The following DSN1 variants were observed in gnomAD, a reference collection of about 807,000 sequenced individuals.
DSN1 encodes kinetochore-associated protein DSN1 homolog.
DSN1 carries 31 observed loss-of-function variants against 45.7 expected under a neutral mutation model. The observed-to-expected ratio is 0.68, with a 90% confidence interval of 0.51 to 0.92. The LOEUF is 0.92. Ranked by LOEUF, DSN1 falls within the 40% of genes least tolerant of loss-of-function variation. The pLI, the probability that DSN1 is intolerant of heterozygous loss-of-function variation, is 0.00. For synonymous variants in DSN1, 134 were observed against 142.3 expected (o/e 0.94, Z 0.41); for missense variants, 394 against 414.2 (o/e 0.95, Z 0.42).
At position 36,758,613 on chromosome 20, in the gene DSN1, C is replaced by T. The variant is rs919540339; in HGVS notation, c.595G>A (p.Ala199Thr). The T allele has an allele frequency of 1.2e-6, 2 of 1,610,956 alleles. No homozygotes were observed. The highest frequency in any genetic ancestry group is 2.7e-5 in the African/African-American group (2 of 74,840). The part of the protein sequence containing the change: ...QKCFEDSNGK[A>T]SDFSLEASVA... Reference sequence around the variant, plus strand: ...GATGCTTCCAAAGAAAAATCTGATGCTTTTCTGGAAAACAGATAGGATTAT... The same window carrying T: ...GATGCTTCCAAAGAAAAATCTGATGTTTTTCTGGAAAACAGATAGGATTAT... Residue 199 changes from alanine (A) to threonine (T), a missense_variant, in exon 7 of 11, where the codon GCA becomes ACA. Transcript: ENST00000373750.
intron 3 of DSN1, among the ~76,000 whole-genome samples, 196 bp from the exon 4 acceptor site, chr20:36,768,238 A>G (rs149678963): frequency 1.7e-3 from 264 of 152,290 alleles, no homozygotes; most frequent in African/African-American, 6.0e-3. Flanking sequence ...AACTTAAAAA[A>G]AAAAAAGTTA....
intron 6 of DSN1, among the ~76,000 whole-genome samples, chr20:36,759,825 T>C (rs1421987999): frequency 1.3e-5 from 2 of 152,156 alleles, no homozygotes; most frequent in Admixed American, 6.6e-5. Flanking sequence ...AATAAATAGC[T>C]AGGTAATAGC....
At chr20:36,756,510 G>A (rs1986686238) in intron 8 of DSN1, among the ~76,000 whole-genome samples, 2 of 152,146 alleles carry the variant, frequency 1.3e-5, no homozygotes, top group Admixed American at 1.3e-4. Context: ...TAACTGAACA[G>A]GACTGAGAGT....
chr20:36,759,100 A>G (rs1009451575), intron 6 of DSN1, among the ~76,000 whole-genome samples: 1 of 152,134 alleles, frequency 6.6e-6, no homozygotes, highest in Non-Finnish European at 1.5e-5. Flanking sequence ...TTCCTGCCTC[A>G]GCCTCCAGAG....
At chr20:36,771,860 T>C (rs901056685) in intron 1 of DSN1, among the ~76,000 whole-genome samples, 2 of 152,196 alleles carry the variant, frequency 1.3e-5, no homozygotes, top group African/African-American at 4.8e-5. Context: ...CTCTAAATCT[T>C]TTCTCCATTC....
At chr20:36,761,343 A>G (rs1221579409) in intron 6 of DSN1, among the ~76,000 whole-genome samples, 5 of 152,042 alleles carry the variant, frequency 3.3e-5, no homozygotes, top group Admixed American at 6.6e-5. Context: ...TATTTCCCAT[A>G]TATTTGTTTA....
chr20:36,755,944 G>T, intron 8 of DSN1, 115 bp from the exon 9 acceptor site: 1 of 1,212,518 alleles, frequency 8.2e-7, no homozygotes, highest in Non-Finnish European at 1.1e-6. Flanking sequence ...CTAGCTATAG[G>T]CTCACTTCTT....
intron 3 of DSN1, 46 bp downstream of exon 3, chr20:36,770,827 C>T (rs1404504545): frequency 6.5e-7 from 1 of 1,550,162 alleles, no homozygotes; most frequent in Non-Finnish European, 8.7e-7. Flanking sequence ...GAACCTGTCT[C>T]TTATCTGAGC....
At chr20:36,766,728 A>G (rs1987359998) in intron 5 of DSN1, 41 bp downstream of exon 5, 1 of 1,547,356 alleles carries the variant, frequency 6.5e-7, no homozygotes, top group Admixed American at 1.9e-5. Context: ...CAAAGCTTTG[A>G]CTGCCCAGGG....
rs562367877 is a variant in DSN1 at position 36,754,820 on chromosome 20, G to C, written c.904C>G (p.Leu302Val). 1 of 1,613,898 alleles carries C rather than the reference G, an allele frequency of 6.2e-7. No individual in the cohort carries two copies. The highest frequency in any genetic ancestry group is 1.1e-5 in the South Asian group (1 of 91,082). The change falls in exon 10 of 11, where the codon CTG becomes GTG. Residue 302 changes from leucine to valine, a missense_variant. Physicochemically the swap from Leu to Val is conservative, Grantham distance 32. Transcript: ENST00000373750. ...MDELQGSVKQLQAFMDESTQC... is the reference protein window; with the variant it reads ...MDELQGSVKQVQAFMDESTQC... ...GTACTTTCATCCATAAAGGCCTGCA[G>C]CTGTTTCACTGATCCTTGCAGTTCA...
intron 5 of DSN1, among the ~76,000 whole-genome samples, chr20:36,763,255 T>C (rs999211368): frequency 6.6e-6 from 1 of 151,212 alleles, no homozygotes; most frequent in African/African-American, 2.4e-5. Flanking sequence ...AATACAAAAA[T>C]ATACCTGGGC....
chr20:36,770,937 C>T lies in DSN1; in HGVS notation c.291G>A (p.Arg97=). The T allele has an allele frequency of 6.2e-7, 1 of 1,614,196 alleles. No individual in the cohort carries two copies. Among genetic ancestry groups the T allele is most frequent in the Non-Finnish European group, 8.5e-7 (1 of 1,180,036 alleles). The stretch of plus-strand genomic sequence containing the variant: ...GGTTCGTTTCTTTCATACTTGCTCG[C>T]CGCCAGGATTGCCTCCTGTCTTGAT... ...ASYQDRRQSW[R]RASMKETNRR... The change falls in exon 3 of 11, where the codon CGG becomes CGA. Residue 97 remains arginine, a synonymous_variant. Coordinates refer to ENST00000373750, the MANE Select transcript of DSN1 (RefSeq NM_001145315.2).
chr20:36,771,742 T>A (rs947099538), intron 1 of DSN1, among the ~76,000 whole-genome samples: 3 of 152,250 alleles, frequency 2.0e-5, no homozygotes, highest in African/African-American at 7.2e-5. Context: ...CTAATTCCAT[T>A]GATGACATTA....
rs1241318668 is a variant in DSN1 at position 36,766,213 on chromosome 20, G to GA, written c.502+555dup. Reference sequence around the variant, plus strand: ...CCATCTCAAAAAAAAAAAAAAAAAAGAAAAAAAAAGCAATAAATATTTCTG... The same window carrying GA: ...CCATCTCAAAAAAAAAAAAAAAAAAGAAAAAAAAAAGCAATAAATATTTCTG... On this transcript the variant is annotated intron_variant, in intron 5 of 10. Transcript: ENST00000373750. 1.3e-4 allele frequency among the ~76,000 whole-genome samples: 18 copies of GA among 139,644 alleles called. 1 individual carries two copies. The highest frequency in any genetic ancestry group is 3.7e-3 in the Middle Eastern group (1 of 272). 91.6% of individuals were successfully genotyped at this position (139,644 alleles called of 152,430 possible).
chr20:36,762,206 A>G (rs1987030575), intron 6 of DSN1, among the ~76,000 whole-genome samples: 2 of 143,860 alleles, frequency 1.4e-5, no homozygotes, highest in Admixed American at 1.5e-4. Context: ...TACCGGGTTC[A>G]TGCCATTCTC....
chr20:36,770,561 T>C (rs1049188897), intron 3 of DSN1, among the ~76,000 whole-genome samples: 3 of 152,130 alleles, frequency 2.0e-5, no homozygotes, highest in Non-Finnish European at 4.4e-5. Context: ...CAGCTAATAA[T>C]ATAATATAAG....
intron 9 of DSN1, among the ~76,000 whole-genome samples, 176 bp from the exon 10 acceptor site, chr20:36,755,026 C>A (rs1986598288): frequency 6.6e-6 from 1 of 152,190 alleles, no homozygotes. Flanking sequence ...CTTCTCCAGG[C>A]TGCTCTATGC....
intron 10 of DSN1, among the ~76,000 whole-genome samples, chr20:36,753,309 C>T (rs1986475551): frequency 6.6e-6 from 1 of 151,028 alleles, no homozygotes; most frequent in Non-Finnish European, 1.5e-5. Context: ...CCCTGTATTC[C>T]ACCCTGGGCA....
At chr20:36,760,781 G>C (rs530868588) in intron 6 of DSN1, among the ~76,000 whole-genome samples, 6 of 152,042 alleles carry the variant, frequency 3.9e-5, no homozygotes, top group Non-Finnish European at 2.9e-5. Flanking sequence ...CTAGCTACTC[G>C]GGTTAGGCTG....
Sources: allele counts gnomAD v4.1 joint callset (sites outside exome capture counted in the v4.1 genomes callset), GRCh38; gene constraint gnomAD v4.1.1; transcripts MANE v1.5; gene names NCBI Gene and HGNC (gene_info 2026-07-23, HGNC 2026-07-21).